The following SERGEF variants were observed in gnomAD, a reference collection of about 807,000 sequenced individuals.
SERGEF encodes secretion regulating guanine nucleotide exchange factor, also known as secretion-regulating guanine nucleotide exchange factor.
In SERGEF, 51 loss-of-function variants were observed where a neutral mutation model predicts 50.0. The ratio of observed to expected loss-of-function variants is 1.02; its 90% CI spans 0.81 to 1.29. The LOEUF is 1.29. Among genes scored for constraint, SERGEF ranks in the 50% most tolerant of loss-of-function variants. SERGEF has a pLI of 0.00. For missense variants in SERGEF, 521 were observed against 557.0 expected, an observed-to-expected ratio of 0.94 and a Z score of 0.65; for synonymous variants, 205 against 212.4, an observed-to-expected ratio of 0.97 and a Z score of 0.30.
intron 9 of SERGEF, among the ~76,000 whole-genome samples, chr11:17,900,009 T>C (rs1030388245): frequency 5.9e-5 from 9 of 151,394 alleles, no homozygotes; most frequent in Non-Finnish European, 1.0e-4. Flanking sequence ...TGTCAGGCAA[T>C]GTGCTGGCAC....
At chr11:17,938,895 T>C (rs903955128) in intron 9 of SERGEF, among the ~76,000 whole-genome samples, 1 of 152,112 alleles carries the variant, frequency 6.6e-6, no homozygotes, top group Admixed American at 6.5e-5. Flanking sequence ...GCTGGAGCAA[T>C]GGACAAATGG....
chr11:17,797,796 C>CAT (rs1590119287), intron 10 of SERGEF, among the ~76,000 whole-genome samples: 2 of 152,310 alleles, frequency 1.3e-5, no homozygotes, highest in East Asian at 3.9e-4. Context: ...CAAAAGGGAA[C>CAT]CCATGGATGT....
In SERGEF at chr11:18,000,523, C is replaced by A; in HGVS notation, c.482G>T (p.Gly161Val). Residue 161 changes from glycine to valine, a missense_variant, in exon 5 of 11, where the codon GGA (glycine) becomes GTA (valine). Physicochemically the swap from Gly to Val is moderately radical, Grantham distance 109. Coordinates refer to ENST00000265965, the MANE Select transcript of SERGEF (RefSeq NM_012139.4). Reference sequence around the variant, plus strand: ...TGTAGCAGCTACTGCATGCCTCAGTCCAGCAGCAATACAAACAACCTTCTC... The same window carrying A: ...TGTAGCAGCTACTGCATGCCTCAGTACAGCAGCAATACAAACAACCTTCTC... ...HKEKVVCIAA[G>V]LRHAVAATAS... The A allele has an allele frequency of 1.3e-6, 2 of 1,588,926 alleles. No individual in the cohort carries two copies. The highest frequency in any genetic ancestry group is 1.7e-6 in the Non-Finnish European group (2 of 1,172,618).
At chr11:17,937,911 G>A (rs1471951449) in intron 9 of SERGEF, among the ~76,000 whole-genome samples, 1 of 152,114 alleles carries the variant, frequency 6.6e-6, no homozygotes, top group East Asian at 1.9e-4. Context: ...CATCCTTCCT[G>A]CCTAGTACCC....
chr11:17,829,885 A>T lies in SERGEF; in HGVS notation c.1049-41472T>A, dbSNP rs201663519. On this transcript the variant is annotated intron_variant, in intron 10 of 10. Coordinates refer to ENST00000265965, the MANE Select transcript of SERGEF (RefSeq NM_012139.4). Reference sequence around the variant, plus strand: ...GGTAGGTTGAAAAAGAAAACAAAAAACACATAAACATTGAGTTCCTGAGAT... The same window carrying T: ...GGTAGGTTGAAAAAGAAAACAAAAATCACATAAACATTGAGTTCCTGAGAT... Among the ~76,000 whole-genome samples the T allele has an allele frequency of 2.0e-5, 3 of 152,332 alleles. No homozygotes were observed. The East Asian group carries it at 5.8e-4, about 29-fold the overall frequency.
chr11:17,861,141 G>A (rs1159847796), intron 10 of SERGEF, among the ~76,000 whole-genome samples: 1 of 152,126 alleles, frequency 6.6e-6, no homozygotes, highest in Non-Finnish European at 1.5e-5. Flanking sequence ...AAGAATAGAG[G>A]AGCAAGAGAG....
At chr11:17,856,833 T>C (rs1404402097) in intron 10 of SERGEF, 1 of 152,240 alleles carries the variant, frequency 6.6e-6, no homozygotes, top group Admixed American at 6.5e-5. Flanking sequence ...TGGACTCTTC[T>C]TCCCCCTTAA....
At chr11:17,959,270 CAA>C (rs2133971087) in intron 9 of SERGEF, among the ~76,000 whole-genome samples, 198 bp downstream of exon 9, 1 of 152,340 alleles carries the variant, frequency 6.6e-6, no homozygotes, top group Non-Finnish European at 1.5e-5. Flanking sequence ...AGGAACTACA[CAA>C]AGTCTGCCTT....
intron 10 of SERGEF, chr11:17,853,996 G>A (rs1046471047): frequency 6.7e-6 from 1 of 148,866 alleles, no homozygotes; most frequent in South Asian, 2.2e-4. Flanking sequence ...ACTCCAGCCT[G>A]GGGGACAGAG....
chr11:17,960,697 T>C (rs933863836), intron 8 of SERGEF, among the ~76,000 whole-genome samples: 15 of 152,146 alleles, frequency 9.9e-5, no homozygotes, highest in African/African-American at 3.1e-4. Context: ...AAAATAACCA[T>C]AGATTCATGG....
intron 10 of SERGEF, among the ~76,000 whole-genome samples, chr11:17,838,030 C>G (rs568163367): frequency 6.6e-4 from 101 of 152,238 alleles, no homozygotes; most frequent in Non-Finnish European, 1.1e-3. Context: ...ACCAAATAGA[C>G]GAAGATAGTA....
intron 9 of SERGEF, among the ~76,000 whole-genome samples, chr11:17,913,570 T>C (rs975426083): frequency 2.0e-5 from 3 of 152,218 alleles, no homozygotes; most frequent in African/African-American, 7.2e-5. Context: ...TGGGGGGTAC[T>C]GAGTTCTGCC....
intron 9 of SERGEF, among the ~76,000 whole-genome samples, chr11:17,955,755 G>A (rs1852855373): frequency 6.6e-6 from 1 of 152,178 alleles, no homozygotes; most frequent in Non-Finnish European, 1.5e-5. Flanking sequence ...GGAATAGGAG[G>A]GCTTGGGGAC....
In SERGEF at chr11:18,003,604, C is replaced by G. The variant is rs148951638; in HGVS notation, c.447+837G>C. 6.7e-3 allele frequency among the ~76,000 whole-genome samples: 1,017 copies of G among 152,220 alleles called. 9 individuals are homozygous for G. The highest frequency in any genetic ancestry group is 0.023 in the African/African-American group (948 of 41,528). Reference sequence around the variant, plus strand: ...CTGTAATCCCAGCTACTCGGGAGGCCGAGGCAGGGAACTGCTTGAACCTGG... The same window carrying G: ...CTGTAATCCCAGCTACTCGGGAGGCGGAGGCAGGGAACTGCTTGAACCTGG... On this transcript the variant is annotated intron_variant, in intron 4 of 10. Coordinates refer to ENST00000265965, the MANE Select transcript of SERGEF (RefSeq NM_012139.4).
At chr11:17,985,873 T>C (rs1235537448) in intron 8 of SERGEF, among the ~76,000 whole-genome samples, 2 of 152,224 alleles carry the variant, frequency 1.3e-5, no homozygotes, top group Non-Finnish European at 2.9e-5. Context: ...ATCTTGACAC[T>C]ATTAACATTT....
intron 10 of SERGEF, among the ~76,000 whole-genome samples, chr11:17,815,956 C>A (rs1038467847): frequency 6.6e-6 from 1 of 152,100 alleles, no homozygotes; most frequent in African/African-American, 2.4e-5. Flanking sequence ...AAAACACTGA[C>A]CCTCAAATAC....
intron 8 of SERGEF, among the ~76,000 whole-genome samples, chr11:17,964,729 T>A (rs1853081986): frequency 6.6e-6 from 1 of 152,212 alleles, no homozygotes; most frequent in Non-Finnish European, 1.5e-5. Context: ...GTTTGTTATA[T>A]TTATGATTCA....
At chr11:17,968,268 C>A (rs1216476965) in intron 8 of SERGEF, among the ~76,000 whole-genome samples, 1 of 152,110 alleles carries the variant, frequency 6.6e-6, no homozygotes, top group Non-Finnish European at 1.5e-5. Context: ...AAAGAGAAAA[C>A]AAAACTAAGG....
At chr11:17,795,079 T>C (rs1849551569) in intron 10 of SERGEF, among the ~76,000 whole-genome samples, 1 of 152,212 alleles carries the variant, frequency 6.6e-6, no homozygotes, top group African/African-American at 2.4e-5. Flanking sequence ...CGCATAGGCC[T>C]AGACCAACAG....
Sources: gnomAD v4.1 joint callset for allele counts (sites outside exome capture counted in the v4.1 genomes callset) on GRCh38, gnomAD v4.1.1 for gene constraint, MANE v1.5 for transcripts, NCBI Gene and HGNC (gene_info 2026-07-23, HGNC 2026-07-21) for gene names.